PARN: variants seen among roughly 807,000 people sequenced by gnomAD.
PARN encodes poly(A)-specific ribonuclease, also known as poly(A)-specific ribonuclease PARN.
A neutral mutation model predicts 102.8 loss-of-function variants in PARN; 71 were observed. That is an observed-to-expected ratio of 0.69 (90% CI 0.57 to 0.84). PARN has a LOEUF of 0.84. Among genes scored for constraint, PARN ranks in the 40% least tolerant of loss-of-function variants. PARN has a pLI of 0.00. For missense variants in PARN, 782 were observed against 760.9 expected (o/e 1.03, Z -0.33); for synonymous variants, 261 against 252.9 (o/e 1.03, Z -0.30).
At chr16:14,576,280 T>G (rs1969130952) in intron 18 of PARN, 1 of 152,234 alleles carries the variant, frequency 6.6e-6, no homozygotes. Context: ...CGGAACCCTG[T>G]TCAGATTCAA....
intron 18 of PARN, among the ~76,000 whole-genome samples, chr16:14,557,757 T>A (rs980197712): frequency 1.3e-5 from 2 of 152,182 alleles, no homozygotes; most frequent in African/African-American, 4.8e-5. Flanking sequence ...GTTCACTAAT[T>A]TAGGCTCAAG....
chr16:14,440,421 C>T (rs572218103), intron 23 of PARN, among the ~76,000 whole-genome samples: 168 of 152,164 alleles, frequency 1.1e-3, no homozygotes, highest in African/African-American at 3.9e-3. Flanking sequence ...AAAATGGTGA[C>T]GCCACTTTGG....
intron 21 of PARN, among the ~76,000 whole-genome samples, chr16:14,508,424 A>C (rs113229535): frequency 0.017 from 2,583 of 152,238 alleles, 70 homozygotes; most frequent in African/African-American, 0.06. Context: ...ATAAAAATAA[A>C]AGATAAAACG....
chr16:14,530,975 T>TCCATCCATC (rs2042550525), intron 21 of PARN, among the ~76,000 whole-genome samples: 3 of 151,374 alleles, frequency 2.0e-5, no homozygotes, highest in Non-Finnish European at 3.0e-5. Flanking sequence ...ATTCATTCAT[T>TCCATCCATC]CATCCATCCA....
In PARN at chr16:14,586,514, C is replaced by G. The variant is rs557979808; in HGVS notation, c.919-153G>C. On this transcript the variant is annotated intron_variant, in intron 13 of 23. Transcript: ENST00000437198. ...AAAACCCATTTCTAGTTAACAAGTA[C>G]AAAAAAAACACAAAACCTTCCCAAT... 2.0e-5 allele frequency among the ~76,000 whole-genome samples: 3 copies of G among 151,794 alleles called. No homozygotes were observed. In the South Asian group the frequency reaches 6.2e-4, roughly 32 times the overall value.
chr16:14,586,325 A>G lies in PARN; in HGVS notation c.955T>C (p.Phe319Leu). 1 of 1,550,172 alleles carries G rather than the reference A, an allele frequency of 6.5e-7. No individual in the cohort carries two copies. The change falls in exon 14 of 24, where the codon TTC becomes CTC. Residue 319 changes from phenylalanine (F) to leucine (L), a missense_variant. Physicochemically the swap from Phe to Leu is conservative, Grantham distance 22. Transcript: ENST00000437198. ...TCCTCAAAGAAAGCTTACCTGGGGA[A>G]AACACATGTTGTCATCTCTTTAAAC... ...SEFKEMTTCVFPRLLDTKLMA... is the reference protein window; with the variant it reads ...SEFKEMTTCVLPRLLDTKLMA...
At chr16:14,516,787 C>T (rs562638168) in intron 21 of PARN, among the ~76,000 whole-genome samples, 1 of 152,298 alleles carries the variant, frequency 6.6e-6, no homozygotes, top group African/African-American at 2.4e-5. Flanking sequence ...ATTAAATGTA[C>T]ACTTACCTGT....
intron 23 of PARN, 90 bp downstream of exon 23, chr16:14,446,798 G>A (rs1177324830): frequency 1.2e-6 from 1 of 861,564 alleles, no homozygotes; most frequent in African/African-American, 1.7e-5. Context: ...ACCAAGTGAA[G>A]CCTTGCTATA....
chr16:14,478,654 A>C (rs1220747072), intron 22 of PARN, among the ~76,000 whole-genome samples: 1 of 152,238 alleles, frequency 6.6e-6, no homozygotes, highest in Non-Finnish European at 1.5e-5. Context: ...AAGATGTAAA[A>C]CTTGTTAACA....
In PARN at chr16:14,552,028, T is replaced by A. The variant is rs1967336524; in HGVS notation, c.1473A>T (p.Val491=). The A allele has an allele frequency of 6.2e-7, 1 of 1,609,828 alleles. No homozygotes were observed. The highest frequency in any genetic ancestry group is 1.1e-5 in the South Asian group (1 of 90,872). The change falls in exon 21 of 24, where the codon GTA becomes GTT. Residue 491 remains valine (V), a synonymous_variant. Transcript: ENST00000437198. ...AFVSLSQPEQ[V]KIAVNTSKYA... The stretch of plus-strand genomic sequence containing the variant: ...GAAATCCAAAACACTTACCAATCTT[T>A]ACTTGCTCGGGCTGGCTAAGGGAAA...
chr16:14,482,818 G>T lies in PARN; in HGVS notation c.1490C>A (p.Thr497Asn). ...CCGATAGCTTTCTGCATATTTGCTGGTATTGACAGCTACAAGGAAAAGAAA... is the reference window on the plus strand; with the variant it reads ...CCGATAGCTTTCTGCATATTTGCTGTTATTGACAGCTACAAGGAAAAGAAA... Reference protein sequence around the residue: ...QPEQVKIAVNTSKYAESYRIQ... With the variant: ...QPEQVKIAVNNSKYAESYRIQ... Residue 497 changes from threonine (T) to asparagine (N), a missense_variant, in exon 22 of 24, where the codon ACC (threonine) becomes AAC (asparagine). Physicochemically the swap from Thr to Asn is moderately conservative, Grantham distance 65. Coordinates refer to ENST00000437198, the MANE Select transcript of PARN (RefSeq NM_002582.4). 6.2e-7 allele frequency: 1 copy of T among 1,605,768 alleles called. No homozygotes were observed.
chr16:14,569,340 T>G (rs971523402), intron 18 of PARN, among the ~76,000 whole-genome samples: 6 of 152,194 alleles, frequency 3.9e-5, no homozygotes, highest in African/African-American at 1.4e-4. Flanking sequence ...TCTGCACACC[T>G]TCTACATGCC....
At chr16:14,474,320 T>C (rs1962921294) in intron 22 of PARN, among the ~76,000 whole-genome samples, 1 of 152,206 alleles carries the variant, frequency 6.6e-6, no homozygotes, top group Admixed American at 6.5e-5. Context: ...TCTTTTTATT[T>C]GACATGTCTT....
chr16:14,549,388 T>A (rs1167574336), intron 21 of PARN, among the ~76,000 whole-genome samples: 2 of 152,166 alleles, frequency 1.3e-5, no homozygotes, highest in African/African-American at 4.8e-5. Flanking sequence ...GAGAGAGGAC[T>A]CAGGGCCAAA....
At chr16:14,588,912 G>A (rs1399989528) in intron 13 of PARN, among the ~76,000 whole-genome samples, 2 of 151,476 alleles carry the variant, frequency 1.3e-5, no homozygotes, top group East Asian at 3.9e-4. Flanking sequence ...GGGCGTGGTG[G>A]CTCACACCTG....
At chr16:14,533,153 C>T (rs1435690679) in intron 21 of PARN, among the ~76,000 whole-genome samples, 7 of 152,172 alleles carry the variant, frequency 4.6e-5, no homozygotes, top group Non-Finnish European at 8.8e-5. Context: ...TCTGCAACCC[C>T]GGCACCTCAG....
intron 21 of PARN, among the ~76,000 whole-genome samples, chr16:14,517,586 C>T (rs1412060853): frequency 1.3e-5 from 2 of 152,230 alleles, no homozygotes; most frequent in African/African-American, 4.8e-5. Flanking sequence ...ATATGCTTGA[C>T]GACTGCCTTA....
At chr16:14,464,769 A>G (rs1481293452) in intron 22 of PARN, among the ~76,000 whole-genome samples, 1 of 144,592 alleles carries the variant, frequency 6.9e-6, no homozygotes, top group Non-Finnish European at 1.5e-5. Context: ...AAATAAAAGT[A>G]AAAAAAAAAA....
chr16:14,498,122 C>CA (rs34124932), intron 21 of PARN, among the ~76,000 whole-genome samples: 5,940 of 43,826 alleles, frequency 0.14, 301 homozygotes, highest in Non-Finnish European at 0.18. Flanking sequence ...GACTCCATCT[C>CA]AAAAAAAAAA....
Sources: gnomAD v4.1 joint callset for allele counts (sites outside exome capture counted in the v4.1 genomes callset) on GRCh38, gnomAD v4.1.1 for gene constraint, MANE v1.5 for transcripts, NCBI Gene and HGNC (gene_info 2026-07-23, HGNC 2026-07-21) for gene names.